Variants in FBXW8 observed in about 807,000 individuals in gnomAD.
FBXW8 encodes F-box and WD repeat domain containing 8.
FBXW8 carries 57 observed loss-of-function variants against 65.3 expected under a neutral mutation model. The observed-to-expected ratio is 0.87, with a 90% CI of 0.71 to 1.09. The LOEUF (loss-of-function observed/expected upper bound fraction) is 1.09, where lower values mean the gene tolerates loss of function less well. Among genes scored for constraint, FBXW8 ranks in the 50% least tolerant of loss-of-function variants. FBXW8 has a pLI of 0.00. For synonymous variants in FBXW8, 308 were observed against 330.2 expected, an observed-to-expected ratio of 0.93 and a Z score of 0.73; for missense variants, 777 against 814.8, an observed-to-expected ratio of 0.95 and a Z score of 0.57.
intron 1 of FBXW8, among the ~76,000 whole-genome samples, chr12:116,923,931 T>C (rs916155371): frequency 2.0e-5 from 3 of 152,206 alleles, no homozygotes; most frequent in Admixed American, 6.5e-5. Flanking sequence ...GCCAGGATGA[T>C]CTCCATCTCC....
intron 7 of FBXW8, among the ~76,000 whole-genome samples, chr12:116,992,399 CTT>C (rs34567342): frequency 1.4e-5 from 2 of 146,418 alleles, no homozygotes; most frequent in African/African-American, 5.0e-5. Context: ...TATTTTTGCC[CTT>C]TTTTTTTTGA....
intron 3 of FBXW8, among the ~76,000 whole-genome samples, chr12:116,946,573 G>A (rs1487327902): frequency 6.6e-6 from 1 of 152,094 alleles, no homozygotes; most frequent in Non-Finnish European, 1.5e-5. Flanking sequence ...GACATTGCTG[G>A]ATGTCCCCTG....
chr12:116,943,076 C>T (rs1006181537), intron 2 of FBXW8, among the ~76,000 whole-genome samples: 20 of 152,194 alleles, frequency 1.3e-4, no homozygotes, highest in African/African-American at 4.8e-4. Context: ...TTATCATTAT[C>T]TTCTATATGG....
At chr12:116,951,724 G>T (rs1883298369) in intron 4 of FBXW8, among the ~76,000 whole-genome samples, 1 of 152,146 alleles carries the variant, frequency 6.6e-6, no homozygotes, top group East Asian at 1.9e-4. Context: ...GGGCCATGCT[G>T]CATAGGCCCA....
intron 7 of FBXW8, among the ~76,000 whole-genome samples, chr12:117,001,045 CCCT>C (rs1953508754): frequency 6.6e-6 from 1 of 152,036 alleles, no homozygotes; most frequent in African/African-American, 2.4e-5. Context: ...TGTCTTCTCT[CCCT>C]CTTGGTGGTT....
At chr12:117,019,841 A>G (rs778031003) in intron 8 of FBXW8, among the ~76,000 whole-genome samples, 6 of 152,196 alleles carry the variant, frequency 3.9e-5, no homozygotes, top group Non-Finnish European at 8.8e-5. Context: ...TCTCCAAGGT[A>G]ATTGTTGTTA....
At chr12:116,963,711 G>T (rs540764050) in intron 4 of FBXW8, among the ~76,000 whole-genome samples, 1 of 152,326 alleles carries the variant, frequency 6.6e-6, no homozygotes, top group Non-Finnish European at 1.5e-5. Context: ...GAATCTCAGA[G>T]GTTATCTCAT....
chr12:116,974,604 A>G (rs1434925166), intron 5 of FBXW8, among the ~76,000 whole-genome samples: 1 of 152,350 alleles, frequency 6.6e-6, no homozygotes, highest in African/African-American at 2.4e-5. Context: ...CAGCAATGTA[A>G]AATTCACAAT....
chr12:116,931,640 G>A (rs7303752), intron 2 of FBXW8, among the ~76,000 whole-genome samples: 123,918 of 152,050 alleles, frequency 0.81, 51,125 homozygotes, highest in East Asian at 0.95. Flanking sequence ...TGTGAATGGG[G>A]TTATTTTCTT....
At chr12:116,987,439 G>A (rs1885786446) in intron 6 of FBXW8, 1 of 152,282 alleles carries the variant, frequency 6.6e-6, no homozygotes, top group Non-Finnish European at 1.5e-5. Context: ...CTTGAAAAGT[G>A]CGTCTCAGAC....
At chr12:116,913,067 G>A (rs1011092968) in intron 1 of FBXW8, among the ~76,000 whole-genome samples, 1 of 152,150 alleles carries the variant, frequency 6.6e-6, no homozygotes, top group Non-Finnish European at 1.5e-5. Context: ...AACTTGAGTT[G>A]GCATAAGAAT....
chr12:117,027,661 T>C (rs1954266391), intron 10 of FBXW8, among the ~76,000 whole-genome samples, 157 bp downstream of exon 10: 2 of 151,356 alleles, frequency 1.3e-5, no homozygotes, highest in Admixed American at 1.3e-4. Context: ...GATGCTGACC[T>C]GTACTGAGCA....
At chr12:116,973,852 T>G (rs115930731) in intron 5 of FBXW8, among the ~76,000 whole-genome samples, 2,042 of 152,332 alleles carry the variant, frequency 0.013, 25 homozygotes, top group South Asian at 0.054. Flanking sequence ...TCTGTAATTT[T>G]GAAAGTTTCA....
In FBXW8 at chr12:116,964,838, A is replaced by G. The variant is rs1287053248; in HGVS notation, c.819A>G (p.Val273=). ...TGAGGATAAACAGCTCGTTGGCAGT[A>G]GCAGCTTATGAGGATGGTAAGTAAC... ...SFVRINSSLA[V]AAYEDGFLNI... is the part of the protein sequence containing the mutation. The change falls in exon 5 of 11, where the codon GTA becomes GTG. Residue 273 remains valine, a synonymous_variant. Coordinates refer to ENST00000652555, the MANE Select transcript of FBXW8 (RefSeq NM_153348.3). 1 of 1,610,638 alleles carries G rather than the reference A, an allele frequency of 6.2e-7. No individual in the cohort carries two copies. The highest frequency in any genetic ancestry group is 8.5e-7 in the Non-Finnish European group (1 of 1,178,662).
At chr12:117,025,685 G>A (rs749933641) in intron 9 of FBXW8, among the ~76,000 whole-genome samples, 13 of 152,178 alleles carry the variant, frequency 8.5e-5, no homozygotes, top group Non-Finnish European at 1.9e-4. Context: ...AGGGCGCCTC[G>A]GCCCTTTTTC....
chr12:116,997,555 C>T lies in FBXW8; in HGVS notation c.1239+8686C>T, dbSNP rs1009203228. On this transcript the variant is annotated intron_variant, in intron 7 of 10. Coordinates refer to ENST00000652555, the MANE Select transcript of FBXW8 (RefSeq NM_153348.3). Reference sequence around the variant, plus strand: ...GCTGGTGCTCAGCACTTGTTAGGTGCCTCCTTCACCCCCGGTCCCCCAGCT... The same window carrying T: ...GCTGGTGCTCAGCACTTGTTAGGTGTCTCCTTCACCCCCGGTCCCCCAGCT... Among the ~76,000 whole-genome samples the T allele has an allele frequency of 5.3e-5, 8 of 152,220 alleles. 1 individual carries two copies. The South Asian group carries it at 1.5e-3, about 28-fold the overall frequency.
chr12:117,010,764 G>C (rs964111112), intron 8 of FBXW8, among the ~76,000 whole-genome samples: 1 of 151,986 alleles, frequency 6.6e-6, no homozygotes, highest in African/African-American at 2.4e-5. Flanking sequence ...AAATTTGTTT[G>C]GCACTTGAAA....
intron 6 of FBXW8, 31 bp downstream of exon 6, chr12:116,985,433 C>G (rs751583937): frequency 6.3e-7 from 1 of 1,598,944 alleles, no homozygotes; most frequent in South Asian, 1.1e-5. Context: ...ATCTTATTTT[C>G]TATTCTTAGA....
intron 9 of FBXW8, among the ~76,000 whole-genome samples, chr12:117,027,027 T>C (rs1488865282): frequency 2.0e-5 from 3 of 152,176 alleles, no homozygotes; most frequent in African/African-American, 7.2e-5. Flanking sequence ...AGAGCCTGGC[T>C]GGGAAAGCTC....
Sources: allele counts gnomAD v4.1 joint callset (sites outside exome capture counted in the v4.1 genomes callset), GRCh38; gene constraint gnomAD v4.1.1; transcripts MANE v1.5; gene names NCBI Gene and HGNC (gene_info 2026-07-23, HGNC 2026-07-21).